Variants in PER3 observed in about 807,000 individuals in gnomAD.
The protein encoded by PER3 is period circadian regulator 3.
A neutral mutation model predicts 127.2 loss-of-function variants in PER3; 107 were observed. The observed-to-expected ratio is 0.84, with a 90% confidence interval of 0.72 to 0.99. The LOEUF (loss-of-function observed/expected upper bound fraction) is 0.99, where lower values mean the gene tolerates loss of function less well. PER3 is among the 50% of genes least tolerant of loss of function. The pLI, the probability that PER3 is intolerant of heterozygous loss-of-function variation, is 0.00. For missense variants in PER3, 1,560 were observed against 1,525.8 expected, an observed-to-expected ratio of 1.02 and a Z score of -0.37; for synonymous variants, 618 against 585.8, an observed-to-expected ratio of 1.05 and a Z score of -0.79.
intron 18 of PER3, among the ~76,000 whole-genome samples, chr1:7,828,359 T>G (rs530139495): frequency 2.0e-5 from 3 of 152,328 alleles, no homozygotes; most frequent in African/African-American, 7.2e-5. Context: ...CAAAAGCTTT[T>G]TTGGTCTGCT....
At chr1:7,827,939 G>A (rs1310204926) in intron 18 of PER3, 124 bp downstream of exon 18, 2 of 664,916 alleles carry the variant, frequency 3.0e-6, no homozygotes, top group African/African-American at 1.8e-5. Context: ...CTGTGAGTGA[G>A]CCTGTTAGCC....
chr1:7,830,873 A>T (rs902363564), intron 19 of PER3, among the ~76,000 whole-genome samples: 21 of 152,350 alleles, frequency 1.4e-4, no homozygotes, highest in Admixed American at 1.4e-3. Flanking sequence ...TAAGTAATGT[A>T]ACTTTCAAGT....
intron 6 of PER3, among the ~76,000 whole-genome samples, chr1:7,797,748 CGA>C (rs2097152507): frequency 6.6e-6 from 1 of 151,818 alleles, no homozygotes; most frequent in Non-Finnish European, 1.5e-5. Context: ...TACGTGCTGG[CGA>C]GAGAGTAAAT....
At chr1:7,837,611 A>G (rs1417793101) in intron 21 of PER3, among the ~76,000 whole-genome samples, 1 of 152,234 alleles carries the variant, frequency 6.6e-6, no homozygotes, top group East Asian at 1.9e-4. Flanking sequence ...TGCTGTTATG[A>G]GTTCTTCTCA....
Position 7,793,937 on chromosome 1 carries a change from C to A in PER3, c.593-20C>A. 1 of 1,608,278 alleles carries A rather than the reference C, an allele frequency of 6.2e-7. No individual in the cohort carries two copies. The highest frequency in any genetic ancestry group is 8.5e-7 in the Non-Finnish European group (1 of 1,174,680). ...GACCTGGATAAGAGGGAGTGACTGA[C>A]CAGGCATCTTTCTTTCTAGCAGCTG... On this transcript the variant is annotated intron_variant, in intron 5 of 21. Transcript: ENST00000377532.
chr1:7,820,018 G>A, intron 14 of PER3, 97 bp from the exon 15 acceptor site: 1 of 1,216,752 alleles, frequency 8.2e-7, no homozygotes, highest in East Asian at 2.3e-5. Context: ...AAAGTACAAA[G>A]TATGCCAAAC....
At chr1:7,796,499 G>C (rs1206113224) in intron 6 of PER3, among the ~76,000 whole-genome samples, 1 of 151,838 alleles carries the variant, frequency 6.6e-6, no homozygotes, top group Non-Finnish European at 1.5e-5. Context: ...ATTTTTTGTA[G>C]AGACGGGGTT....
At chr1:7,806,795 T>TAAAAAAA (rs71567316) in intron 10 of PER3, among the ~76,000 whole-genome samples, 9 of 91,902 alleles carry the variant, frequency 9.8e-5, no homozygotes, top group East Asian at 1.1e-3. Context: ...CCCTGTCTCT[T>TAAAAAAA]AAAAAAAAAA....
intron 13 of PER3, among the ~76,000 whole-genome samples, chr1:7,817,082 C>G (rs1367854893): frequency 6.6e-6 from 1 of 152,142 alleles, no homozygotes; most frequent in Non-Finnish European, 1.5e-5. Flanking sequence ...TTGTACAATT[C>G]CATTCTGGAA....
chr1:7,826,791 G>A lies in PER3; in HGVS notation c.2188+81G>A, dbSNP rs934224241. On this transcript the variant is annotated intron_variant, in intron 17 of 21. Transcript: ENST00000377532. This position sits in a 1 kb window ranked among gnomAD's most constrained non-coding sequence, Gnocchi z 4.2. ...ATCTAAGGACTAGGAGATAAGGAGT[G>A]AACAATAGGAGTTTTACTTGTAAGA... The A allele has an allele frequency of 7.8e-5, 63 of 811,090 alleles. No individual in the cohort carries two copies. The highest frequency in any genetic ancestry group is 1.3e-4 in the Non-Finnish European group (61 of 487,910). 50.2% of individuals were successfully genotyped at this position (811,090 alleles called of 1,614,324 possible).
rs141390079 is a variant in PER3 at position 7,785,516 on chromosome 1, G to A, written c.204G>A (p.Ser68=). ...AAGAAATGAAAAAATACTTCCCCTC[G>A]GAGAGACGCAATAAACCAAGCACTC... ...VVQEMKKYFP[S]ERRNKPSTLD... is the part of the protein sequence containing the mutation. The change falls in exon 3 of 22, where the codon TCG becomes TCA. Residue 68 remains serine, a synonymous_variant. Transcript: ENST00000377532. 8.7e-6 allele frequency: 14 copies of A among 1,611,614 alleles called. No homozygotes were observed. In the East Asian group the frequency reaches 1.3e-4, roughly 15 times the overall value.
In PER3 at chr1:7,827,797, G is replaced by A; in HGVS notation, c.2868G>A (p.Thr956=). 2 of 1,611,906 alleles carry A rather than the reference G, an allele frequency of 1.2e-6. No individual in the cohort carries two copies. Among genetic ancestry groups the A allele is most frequent in the Non-Finnish European group, 8.5e-7 (1 of 1,178,660 alleles). The change falls in exon 18 of 22, where the codon ACG becomes ACA. Residue 956 remains threonine (T), a synonymous_variant. Coordinates refer to ENST00000377532, the MANE Select transcript of PER3 (RefSeq NM_001377275.1). ...SESPDQMRRN[T]CPQTEYQCVT... ...CTCCAGATCAGATGAGAAGGAACAC[G>A]TGCCCACAAACTGAGTATGTAAGTG...
intron 21 of PER3, 56 bp downstream of exon 21, chr1:7,837,205 T>G: frequency 1.4e-6 from 2 of 1,459,614 alleles, no homozygotes; most frequent in Non-Finnish European, 1.9e-6. Flanking sequence ...AGGTAGTGCT[T>G]TTAATATAGG....
intron 10 of PER3, 46 bp downstream of exon 10, chr1:7,803,894 A>G: frequency 1.3e-6 from 2 of 1,489,988 alleles, no homozygotes; most frequent in Non-Finnish European, 1.9e-6. Context: ...TCTTGTATCA[A>G]ATAATATTCC....
At chr1:7,784,541 A>C in intron 1 of PER3, 113 bp from the exon 2 acceptor site, 5 of 180,844 alleles carry the variant, frequency 2.8e-5, no homozygotes, top group Non-Finnish European at 4.6e-5. Context: ...GGCGCGCGGG[A>C]AAGTTGGGGC....
Position 7,785,519 on chromosome 1 carries a change from G to A in PER3, c.207G>A (p.Glu69=). The stretch of plus-strand genomic sequence containing the variant: ...AAATGAAAAAATACTTCCCCTCGGA[G>A]AGACGCAATAAACCAAGCACTCTAG... The part of the protein sequence containing the change: ...VQEMKKYFPS[E]RRNKPSTLDA... Residue 69 remains glutamate, a synonymous_variant, in exon 3 of 22, where the codon GAG becomes GAA. Transcript: ENST00000377532. 3 of 1,612,384 alleles carry A rather than the reference G, an allele frequency of 1.9e-6. No individual in the cohort carries two copies. Among genetic ancestry groups the A allele is most frequent in the Non-Finnish European group, 2.5e-6 (3 of 1,178,426 alleles).
intron 18 of PER3, among the ~76,000 whole-genome samples, chr1:7,829,005 A>G (rs988194340): frequency 1.3e-5 from 2 of 152,052 alleles, no homozygotes; most frequent in Non-Finnish European, 2.9e-5. Context: ...GTGCCTTAAT[A>G]TTACTTACAA....
At chr1:7,803,259 C>T in intron 9 of PER3, 106 bp downstream of exon 9, 1 of 756,128 alleles carries the variant, frequency 1.3e-6, no homozygotes, top group Non-Finnish European at 2.4e-6. Context: ...AGAGGCATTA[C>T]ATTGAAGCTG....
In PER3 at chr1:7,843,419, G is replaced by A. The variant is rs1173455028; in HGVS notation, c.*664G>A. On this transcript the variant is annotated 3_prime_UTR_variant, in exon 22 of 22. Transcript: ENST00000377532. ...TTCTGAAAGTCTTATCTTAAAAATC[G>A]ATCCGCTTACCATGGGCCTATTCTT... 2.0e-5 allele frequency: 3 copies of A among 152,258 alleles called. No homozygotes were observed. Among genetic ancestry groups the A allele is most frequent in the African/African-American group, 4.8e-5 (2 of 41,408 alleles). 9.4% of individuals were successfully genotyped at this position (152,258 alleles called of 1,614,324 possible). A position where few individuals can be genotyped will look rare whatever the true frequency, so the allele number is the denominator to read the frequency against.
Sources: gnomAD v4.1 joint callset for allele counts (sites outside exome capture counted in the v4.1 genomes callset) on GRCh38, gnomAD v4.1.1 for gene constraint, Gnocchi (gnomAD v3.1) non-coding constraint, MANE v1.5 for transcripts, NCBI Gene and HGNC (gene_info 2026-07-23, HGNC 2026-07-21) for gene names.